The following WDR27 variants were observed in gnomAD, a reference collection of about 807,000 sequenced individuals.
The protein encoded by WDR27 is WD repeat domain 27.
A neutral mutation model predicts 114.4 loss-of-function variants in WDR27; 100 were observed. That is an observed-to-expected ratio of 0.87 (90% CI 0.74 to 1.03). The LOEUF (loss-of-function observed/expected upper bound fraction) is 1.03, where lower values mean the gene tolerates loss of function less well. WDR27 is among the 50% of genes least tolerant of loss of function. The probability of loss-of-function intolerance (pLI) is 0.00; values close to 1 mark genes in which losing one functional copy is unlikely to be tolerated. For synonymous variants in WDR27, 449 were observed against 423.1 expected (o/e 1.06, Z -0.75); for missense variants, 1,129 against 1,092.9 (o/e 1.03, Z -0.47).
chr6:169,488,557 T>C (rs1242628482), intron 25 of WDR27, among the ~76,000 whole-genome samples: 1 of 152,216 alleles, frequency 6.6e-6, no homozygotes, highest in Non-Finnish European at 1.5e-5. Context: ...ATATGCACAG[T>C]GGATGCTGGT....
intron 23 of WDR27, among the ~76,000 whole-genome samples, chr6:169,593,875 AC>A (rs1806262435): frequency 8.0e-5 from 3 of 37,394 alleles, no homozygotes; most frequent in South Asian, 1.6e-3. Context: ...AAACAAACAA[AC>A]AAAAAACAAA....
At chr6:169,593,461 GCCT>G (rs1296908380) in intron 23 of WDR27, among the ~76,000 whole-genome samples, 8 of 152,104 alleles carry the variant, frequency 5.3e-5, no homozygotes, top group Admixed American at 2.0e-4. Flanking sequence ...CCATGCTTCT[GCCT>G]CCTCCTCATT....
chr6:169,523,074 C>T (rs1411968181), intron 25 of WDR27, among the ~76,000 whole-genome samples: 1 of 151,798 alleles, frequency 6.6e-6, no homozygotes, highest in African/African-American at 2.4e-5. Flanking sequence ...GAGAGAGAAT[C>T]CAAATAAACA....
At position 169,660,568 on chromosome 6, in the gene WDR27, C is replaced by T. The variant is rs1825787673; in HGVS notation, c.1129+95G>A. On this transcript the variant is annotated intron_variant, in intron 10 of 25. Coordinates refer to ENST00000448612, the MANE Select transcript of WDR27 (RefSeq NM_182552.5). ...CTGAAGCATCTCATCCTCAGATTCA[C>T]ACGGCAAGGCCTTCTCCACAAACAC... The T allele has an allele frequency of 4.9e-6, 5 of 1,012,504 alleles. No individual in the cohort carries two copies. In the Admixed American group the frequency reaches 9.3e-5, roughly 19 times the overall value. The allele number at this position is 1,012,504 out of a possible 1,614,324, so 62.7% of individuals were successfully genotyped here.
chr6:169,549,134 A>G (rs1797795097), intron 25 of WDR27, among the ~76,000 whole-genome samples: 1 of 152,246 alleles, frequency 6.6e-6, no homozygotes, highest in Admixed American at 6.5e-5. Context: ...CCGGGAGAAA[A>G]TAAACGCAAA....
intron 25 of WDR27, among the ~76,000 whole-genome samples, chr6:169,472,926 T>C (rs1786624446): frequency 3.3e-5 from 5 of 152,222 alleles, no homozygotes. Context: ...TTCTAGATTT[T>C]TTTAAGTGAG....
At chr6:169,554,691 C>G (rs2128107053) in intron 25 of WDR27, among the ~76,000 whole-genome samples, 1 of 152,310 alleles carries the variant, frequency 6.6e-6, no homozygotes, top group Admixed American at 6.5e-5. Context: ...CCACCACCCT[C>G]TGTGCTGGTC....
At chr6:169,644,196 G>C (rs138360464) in intron 16 of WDR27, among the ~76,000 whole-genome samples, 5,933 of 102,102 alleles carry the variant, frequency 0.058, 404 homozygotes, top group African/African-American at 0.085. Context: ...CTGTAGAAAA[G>C]CCTAGTTCAC....
At chr6:169,634,257 G>A (rs780738056) in intron 20 of WDR27, among the ~76,000 whole-genome samples, 171 bp downstream of exon 20, 5 of 152,106 alleles carry the variant, frequency 3.3e-5, no homozygotes, top group Non-Finnish European at 7.4e-5. Context: ...ATGTTGAGAT[G>A]AATTATTACA....
intron 24 of WDR27, among the ~76,000 whole-genome samples, chr6:169,575,476 A>G (rs985888052): frequency 6.6e-6 from 1 of 151,716 alleles, no homozygotes; most frequent in African/African-American, 2.4e-5. Flanking sequence ...TTTCTGTAAC[A>G]TGTGTTTTAT....
chr6:169,687,610 G>A (rs1385113688), intron 2 of WDR27, among the ~76,000 whole-genome samples: 1 of 152,096 alleles, frequency 6.6e-6, no homozygotes, highest in Non-Finnish European at 1.5e-5. Context: ...ACCATTAGAA[G>A]AAATACAGAT....
intron 4 of WDR27, 98 bp downstream of exon 4, chr6:169,670,471 T>C: frequency 1.4e-6 from 2 of 1,381,888 alleles, no homozygotes; most frequent in Non-Finnish European, 9.8e-7. Flanking sequence ...AAAAAAGGAG[T>C]ACAGGAAAAA....
intron 25 of WDR27, among the ~76,000 whole-genome samples, chr6:169,508,335 C>T (rs184441430): frequency 1.4e-3 from 213 of 152,304 alleles, no homozygotes; most frequent in African/African-American, 4.9e-3. Context: ...AAGCCATACA[C>T]CAATTATTAG....
chr6:169,604,111 G>C lies in WDR27; in HGVS notation c.2322-1790C>G, dbSNP rs141525234. Among the ~76,000 whole-genome samples the C allele has an allele frequency of 2.9e-3, 436 of 152,110 alleles. 3 individuals are homozygous for C. Among genetic ancestry groups the C allele is most frequent in the African/African-American group, 0.01 (420 of 41,512 alleles). ...AACAGAAAAGAAATTTAAAAGACCA[G>C]AGCAGAATTAAATGAAATAGAGACC... is the stretch of plus-strand genomic sequence containing the variant. On this transcript the variant is annotated intron_variant, in intron 22 of 25. Coordinates refer to ENST00000448612, the MANE Select transcript of WDR27 (RefSeq NM_182552.5).
At chr6:169,500,958 T>TCTG (rs1399629909) in intron 25 of WDR27, among the ~76,000 whole-genome samples, 1 of 152,190 alleles carries the variant, frequency 6.6e-6, no homozygotes, top group Non-Finnish European at 1.5e-5. Flanking sequence ...CGTTGTCCTC[T>TCTG]CTGCTCTCCC....
intron 24 of WDR27, among the ~76,000 whole-genome samples, chr6:169,579,849 C>A (rs1584359247): frequency 6.6e-6 from 1 of 152,226 alleles, no homozygotes. Flanking sequence ...TCTTTCACTG[C>A]CACCTCACTC....
At chr6:169,669,902 C>T (rs1778236799) in intron 4 of WDR27, 1 of 152,142 alleles carries the variant, frequency 6.6e-6, no homozygotes, top group Admixed American at 6.6e-5. Flanking sequence ...CATCCTTCCT[C>T]GCCTACGTTT....
the WDR27 span, among the ~76,000 whole-genome samples, chr6:169,430,149 G>A: frequency 6.6e-6 from 1 of 152,198 alleles, no homozygotes; most frequent in South Asian, 2.1e-4. Context: ...CCCACCATAT[G>A]TCACGGCCCA....
intron 19 of WDR27, 71 bp downstream of exon 19, chr6:169,636,300 C>T: frequency 6.4e-7 from 1 of 1,557,648 alleles, no homozygotes; most frequent in Non-Finnish European, 8.7e-7. Flanking sequence ...AATGTAAATA[C>T]CTTTCAACAT....
Sources: gnomAD v4.1 joint callset for allele counts (sites outside exome capture counted in the v4.1 genomes callset) on GRCh38, gnomAD v4.1.1 for gene constraint, MANE v1.5 for transcripts, NCBI Gene and HGNC (gene_info 2026-07-23, HGNC 2026-07-21) for gene names.